The following AEBP2 variants were observed in gnomAD, a reference collection of about 807,000 sequenced individuals.
AEBP2 encodes zinc finger protein AEBP2.
Under a neutral mutation model 50.8 loss-of-function variants are expected in AEBP2, and 10 were observed. The observed-to-expected ratio is 0.20, with a 90% confidence interval of 0.12 to 0.33. The LOEUF (loss-of-function observed/expected upper bound fraction) is 0.33. AEBP2 is among the 10% of genes least tolerant of loss of function. The pLI, the probability that AEBP2 is intolerant of heterozygous loss-of-function variation, is 1.00. For missense variants in AEBP2, 570 were observed against 688.0 expected, an observed-to-expected ratio of 0.83 and a Z score of 1.92; for synonymous variants, 296 against 261.3, an observed-to-expected ratio of 1.13 and a Z score of -1.28.
At chr12:19,446,303 G>A (rs1006231527) in intron 1 of AEBP2, among the ~76,000 whole-genome samples, 3 of 152,088 alleles carry the variant, frequency 2.0e-5, no homozygotes, top group Non-Finnish European at 2.9e-5. Flanking sequence ...TGTAAATTGC[G>A]ACATGGTGCA....
chr12:19,443,045 T>C (rs1166084589), intron 1 of AEBP2, among the ~76,000 whole-genome samples: 1 of 152,200 alleles, frequency 6.6e-6, no homozygotes, highest in South Asian at 2.1e-4. Context: ...ACGTTGTGCT[T>C]TTTAGTTTAT....
intron 1 of AEBP2, among the ~76,000 whole-genome samples, chr12:19,451,173 C>T (rs904819204): frequency 5.9e-5 from 9 of 152,160 alleles, no homozygotes; most frequent in African/African-American, 9.7e-5. Context: ...TAGTTTAAAA[C>T]GACAGCATTT....
chr12:19,495,020 C>G (rs1034454152), intron 4 of AEBP2, among the ~76,000 whole-genome samples: 1 of 152,078 alleles, frequency 6.6e-6, no homozygotes, highest in African/African-American at 2.4e-5. Flanking sequence ...AGTTCTCTGT[C>G]TCAGCCTTCC....
At chr12:19,488,773 G>A (rs775907756) in intron 3 of AEBP2, among the ~76,000 whole-genome samples, 24 of 152,184 alleles carry the variant, frequency 1.6e-4, no homozygotes, top group Non-Finnish European at 3.4e-4. Flanking sequence ...TCAAATTTTA[G>A]AAAAGCTACT....
At chr12:19,486,261 A>G (rs1448144452) in intron 3 of AEBP2, among the ~76,000 whole-genome samples, 1 of 152,160 alleles carries the variant, frequency 6.6e-6, no homozygotes, top group Non-Finnish European at 1.5e-5. Context: ...TCAACAAAAT[A>G]TCAGCGAGAT....
chr12:19,428,075 A>G (rs1442856366), intron 1 of AEBP2, among the ~76,000 whole-genome samples: 2 of 151,924 alleles, frequency 1.3e-5, no homozygotes, highest in Non-Finnish European at 2.9e-5. Flanking sequence ...TGTCTCCACA[A>G]AAAAATACAA....
At chr12:19,497,938 G>T (rs1259668073) in intron 4 of AEBP2, among the ~76,000 whole-genome samples, 1 of 152,146 alleles carries the variant, frequency 6.6e-6, no homozygotes, top group Admixed American at 6.6e-5. Context: ...AATTAACAAG[G>T]GTATTCTATT....
rs1565729896 is a variant in AEBP2, at chr12:19,493,885, C to T, written c.1073C>T (p.Ser358Phe). ...CCCACACACTTCAGTCAGCAGAACTCCTCAAAAGTTTCTAGCCAGCCAAAG... is the reference window on the plus strand; with the variant it reads ...CCCACACACTTCAGTCAGCAGAACTTCTCAAAAGTTTCTAGCCAGCCAAAG... ...HVPTHFSQQN[S>F]SKVSSQPKAK... The change falls in exon 4 of 8, where the codon TCC becomes TTC. Residue 358 changes from serine (S) to phenylalanine (F), a missense_variant. Ser to Phe is a radical substitution (Grantham distance 155, BLOSUM62 -2). Around this residue, in one of 2 missense-constraint regions of AEBP2, gnomAD observed 184 missense variants for 351.2 expected, o/e 0.52. Transcript: ENST00000266508. 1 of 1,613,842 alleles carries T rather than the reference C, an allele frequency of 6.2e-7. No individual in the cohort carries two copies. The highest frequency in any genetic ancestry group is 8.5e-7 in the Non-Finnish European group (1 of 1,179,870).
chr12:19,431,983 C>A (rs1418445927), intron 1 of AEBP2, among the ~76,000 whole-genome samples: 1 of 152,176 alleles, frequency 6.6e-6, no homozygotes, highest in African/African-American at 2.4e-5. Context: ...TAGTAGGAAT[C>A]TCAGCTCCAG....
intron 3 of AEBP2, among the ~76,000 whole-genome samples, chr12:19,480,616 C>T (rs1397575376): frequency 1.3e-5 from 2 of 152,196 alleles, no homozygotes; most frequent in Non-Finnish European, 2.9e-5. Flanking sequence ...GGTGGTACCC[C>T]AGTCTCTTCT....
At chr12:19,444,895 C>T (rs962538359) in intron 1 of AEBP2, among the ~76,000 whole-genome samples, 3 of 152,102 alleles carry the variant, frequency 2.0e-5, no homozygotes, top group African/African-American at 7.2e-5. Context: ...TGTATGTATG[C>T]ATTTATGTAT....
chr12:19,493,305 G>C (rs1948921739), intron 3 of AEBP2, among the ~76,000 whole-genome samples: 1 of 152,076 alleles, frequency 6.6e-6, no homozygotes. Context: ...GGAGGCTGAG[G>C]CACAAAAATC....
In AEBP2 at chr12:19,494,072, ACTC is replaced by A. The variant is rs1948933780; in HGVS notation, c.1174+90_1174+92del. The A allele has an allele frequency of 2.9e-6, 4 of 1,377,150 alleles. No homozygotes were observed. In the East Asian group the frequency reaches 1.0e-4, roughly 35 times the overall value. The allele number at this position is 1,377,150 out of a possible 1,614,324, so 85.3% of individuals were successfully genotyped here. Reference sequence around the variant, plus strand: ...TTATGCAAATCCACTTTGAACTTCAACTCCTCTTCTATTAAAAGTAACAAACAG... The same window carrying A: ...TTATGCAAATCCACTTTGAACTTCAACTCTTCTATTAAAAGTAACAAACAG... On this transcript the variant is annotated intron_variant, in intron 4 of 7. Coordinates refer to ENST00000266508, the MANE Select transcript of AEBP2 (RefSeq NM_153207.5).
chr12:19,433,640 C>T (rs960140810), intron 1 of AEBP2, among the ~76,000 whole-genome samples: 6 of 151,254 alleles, frequency 4.0e-5, no homozygotes, highest in African/African-American at 7.3e-5. Context: ...ATTAGCTGGG[C>T]GTGATGGCAG....
rs1303404224 is a variant in AEBP2 at position 19,439,608 on chromosome 12, T to G, written c.-92T>G. The stretch of plus-strand genomic sequence containing the variant: ...CTGCTCTGCAGCGGCGTCGGCGGAG[T>G]TTTGGGCGTTTGGGAGGGGGGCGAG... On this transcript the variant is annotated 5_prime_UTR_variant, in exon 1 of 8. Coordinates refer to ENST00000266508, the MANE Select transcript of AEBP2 (RefSeq NM_153207.5). The G allele has an allele frequency of 7.0e-6, 10 of 1,428,690 alleles. No individual in the cohort carries two copies. Among genetic ancestry groups the G allele is most frequent in the Non-Finnish European group, 9.3e-6 (10 of 1,079,990 alleles). The allele number at this position is 1,428,690 out of a possible 1,614,324, so 88.5% of individuals were successfully genotyped here.
At chr12:19,486,888 C>A (rs1412716335) in intron 3 of AEBP2, among the ~76,000 whole-genome samples, 2 of 151,898 alleles carry the variant, frequency 1.3e-5, no homozygotes, top group African/African-American at 4.8e-5. Flanking sequence ...CACCTCCTGG[C>A]CTCCAACGAT....
upstream of AEBP2, among the ~76,000 whole-genome samples, chr12:19,435,935 G>T (rs1306382819): frequency 6.6e-6 from 1 of 152,132 alleles, no homozygotes; most frequent in African/African-American, 2.4e-5. Flanking sequence ...TGTCAGAGGT[G>T]TTCGAACCAC....
At chr12:19,498,338 C>T (rs1003909749) in intron 4 of AEBP2, among the ~76,000 whole-genome samples, 6 of 152,148 alleles carry the variant, frequency 3.9e-5, no homozygotes, top group African/African-American at 9.7e-5. Context: ...TCTGATTTCT[C>T]ATTGTCACTG....
At chr12:19,476,887 T>C (rs1948655494) in intron 3 of AEBP2, among the ~76,000 whole-genome samples, 1 of 152,216 alleles carries the variant, frequency 6.6e-6, no homozygotes. Context: ...GCGTTGAATC[T>C]GTAGATTGCT....
Sources: allele counts gnomAD v4.1 joint callset (sites outside exome capture counted in the v4.1 genomes callset), GRCh38; gene constraint gnomAD v4.1.1; regional missense constraint gnomAD v4.1.1; transcripts MANE v1.5; gene names NCBI Gene and HGNC (gene_info 2026-07-23, HGNC 2026-07-21).